The following PLCB4 variants were observed in gnomAD, a reference collection of about 807,000 sequenced individuals.
PLCB4 encodes 1-phosphatidylinositol 4,5-bisphosphate phosphodiesterase beta-4.
A neutral mutation model predicts 178.8 loss-of-function variants in PLCB4; 77 were observed. The observed-to-expected ratio is 0.43, with a 90% CI of 0.36 to 0.52. The LOEUF is 0.52. PLCB4 is among the 20% of genes least tolerant of loss of function. PLCB4 has a pLI of 0.00. For synonymous variants in PLCB4, 496 were observed against 490.8 expected, an observed-to-expected ratio of 1.01 and a Z score of -0.14; for missense variants, 1,024 against 1,453.4, an observed-to-expected ratio of 0.70 and a Z score of 4.80.
At chr20:9,398,511 AATTAAAATATGTAAGGCATT>A (rs1385683757) in intron 19 of PLCB4, among the ~76,000 whole-genome samples, 3 of 152,276 alleles carry the variant, frequency 2.0e-5, no homozygotes, top group African/African-American at 7.2e-5. Flanking sequence ...CATAGATGGT[AATTAAAATATGTAAGGCATT>A]ACTGATACGA....
intron 36 of PLCB4, among the ~76,000 whole-genome samples, chr20:9,468,953 A>G (rs2043988863): frequency 6.6e-6 from 1 of 151,824 alleles, no homozygotes; most frequent in Non-Finnish European, 1.5e-5. Context: ...ACATAATAAT[A>G]TAATTCTTTT....
At chr20:9,318,067 T>C (rs1176004206) in intron 4 of PLCB4, among the ~76,000 whole-genome samples, 5 of 152,116 alleles carry the variant, frequency 3.3e-5, no homozygotes, top group Admixed American at 1.3e-4. Context: ...GAAGAATCAC[T>C]TGAACCCTGG....
At chr20:9,091,124 T>C (rs533433458) in intron 1 of PLCB4, among the ~76,000 whole-genome samples, 1 of 152,218 alleles carries the variant, frequency 6.6e-6, no homozygotes, top group South Asian at 2.1e-4. Flanking sequence ...GTTTGTACCA[T>C]ACATGGGAGA....
At chr20:9,106,674 C>A (rs1455354201) in intron 2 of PLCB4, among the ~76,000 whole-genome samples, 2 of 152,074 alleles carry the variant, frequency 1.3e-5, no homozygotes, top group African/African-American at 4.8e-5. Flanking sequence ...ATTTTGCAGT[C>A]TAGCACCATT....
intron 2 of PLCB4, among the ~76,000 whole-genome samples, chr20:9,110,276 A>G (rs2091527996): frequency 6.6e-6 from 1 of 152,152 alleles, no homozygotes; most frequent in African/African-American, 2.4e-5. Context: ...GGAAAATAAC[A>G]ACTTACACTG....
At chr20:9,259,780 T>C (rs2094278113) in intron 3 of PLCB4, among the ~76,000 whole-genome samples, 1 of 152,068 alleles carries the variant, frequency 6.6e-6, no homozygotes, top group Admixed American at 6.5e-5. Flanking sequence ...ATAAAATATA[T>C]ACCCAACTTT....
At chr20:9,116,531 G>A (rs948710349) in intron 2 of PLCB4, among the ~76,000 whole-genome samples, 1 of 152,172 alleles carries the variant, frequency 6.6e-6, no homozygotes, top group African/African-American at 2.4e-5. Context: ...GATGAGGCAA[G>A]CAAGGTGCGC....
At chr20:9,467,744 C>G (rs1046232175) in intron 35 of PLCB4, among the ~76,000 whole-genome samples, 2 of 152,186 alleles carry the variant, frequency 1.3e-5, no homozygotes, top group South Asian at 2.1e-4. Context: ...GAGCAACTCT[C>G]CAGTTCAGTA....
chr20:9,173,220 C>T (rs1241509122), intron 2 of PLCB4, among the ~76,000 whole-genome samples: 3 of 152,160 alleles, frequency 2.0e-5, no homozygotes, highest in East Asian at 1.9e-4. Context: ...TTAGATGCAT[C>T]GCATGATTGG....
At chr20:9,283,207 T>C (rs1297910807) in intron 3 of PLCB4, among the ~76,000 whole-genome samples, 1 of 152,000 alleles carries the variant, frequency 6.6e-6, no homozygotes, top group Non-Finnish European at 1.5e-5. Context: ...ACTAGTCATA[T>C]ACATGCTCCT....
chr20:9,454,902 C>T (rs1167112490), intron 33 of PLCB4, among the ~76,000 whole-genome samples: 1 of 152,106 alleles, frequency 6.6e-6, no homozygotes, highest in Non-Finnish European at 1.5e-5. Context: ...CTTTTGTTTT[C>T]CCCGTAGGTT....
intron 3 of PLCB4, among the ~76,000 whole-genome samples, chr20:9,282,876 AT>A (rs2094506119): frequency 6.6e-6 from 1 of 151,972 alleles, no homozygotes; most frequent in Non-Finnish European, 1.5e-5. Context: ...CTTCCAGTAG[AT>A]TGTCTTAACC....
chr20:9,309,270 A>G (rs1341443154), intron 4 of PLCB4, among the ~76,000 whole-genome samples: 1 of 152,108 alleles, frequency 6.6e-6, no homozygotes, highest in Admixed American at 6.6e-5. Flanking sequence ...AAACTATTCT[A>G]CTACATGGTT....
At chr20:9,115,047 A>G (rs1464804041) in intron 2 of PLCB4, among the ~76,000 whole-genome samples, 1 of 152,134 alleles carries the variant, frequency 6.6e-6, no homozygotes, top group South Asian at 2.1e-4. Context: ...TAGTTCTGCA[A>G]ATAGTATCCT....
intron 33 of PLCB4, among the ~76,000 whole-genome samples, chr20:9,454,976 A>G (rs1021238175): frequency 6.6e-6 from 1 of 152,208 alleles, no homozygotes; most frequent in Non-Finnish European, 1.5e-5. Context: ...TCTGTATTTT[A>G]AGTGAGTAAG....
Position 9,148,784 on chromosome 20 carries a change from T to C in PLCB4, c.-79+52442T>C, listed in dbSNP as rs984963213. Among the ~76,000 whole-genome samples, 16 of 152,188 alleles carry C rather than the reference T, an allele frequency of 1.1e-4. 1 individual carries two copies. Among genetic ancestry groups the C allele is most frequent in the Admixed American group, 7.9e-4 (12 of 15,276 alleles). ...AGCACTGTCAAAGTAGCTGTTTTCG[T>C]GATGGAAATATTTCTGGTCCAACAG... On this transcript the variant is annotated intron_variant, in intron 2 of 39. Transcript: ENST00000378473.
intron 1 of PLCB4, among the ~76,000 whole-genome samples, chr20:9,087,243 C>T (rs986333039): frequency 2.6e-5 from 4 of 152,076 alleles, no homozygotes; most frequent in African/African-American, 9.7e-5. Context: ...TTTGATATTT[C>T]TATATCTTCT....
intron 2 of PLCB4, among the ~76,000 whole-genome samples, chr20:9,182,380 C>A (rs1555862323): frequency 6.6e-6 from 1 of 152,130 alleles, no homozygotes; most frequent in Non-Finnish European, 1.5e-5. Flanking sequence ...CCCATTATAC[C>A]AGGCTGAAGT....
intron 2 of PLCB4, among the ~76,000 whole-genome samples, chr20:9,195,971 A>T (rs980671142): frequency 6.6e-6 from 1 of 152,074 alleles, no homozygotes; most frequent in African/African-American, 2.4e-5. Flanking sequence ...TAGCCTGAAA[A>T]TTTTTCTGAT....
Sources: allele counts gnomAD v4.1 joint callset (sites outside exome capture counted in the v4.1 genomes callset), GRCh38; gene constraint gnomAD v4.1.1; transcripts MANE v1.5; gene names NCBI Gene and HGNC (gene_info 2026-07-23, HGNC 2026-07-21).